Variants in CSPP1 observed in about 807,000 individuals in gnomAD.
CSPP1 encodes centrosome and spindle pole-associated protein 1.
Under a neutral mutation model 164.4 loss-of-function variants are expected in CSPP1, and 126 were observed. The observed-to-expected ratio is 0.77, with a 90% CI of 0.66 to 0.89. The LOEUF is 0.89. Among genes scored for constraint, CSPP1 ranks in the 40% least tolerant of loss-of-function variants. CSPP1 has a pLI of 0.00. For missense variants in CSPP1, 1,395 were observed against 1,449.8 expected, an observed-to-expected ratio of 0.96 and a Z score of 0.61; for synonymous variants, 472 against 476.7, an observed-to-expected ratio of 0.99 and a Z score of 0.13.
chr8:67,093,406 T>C, intron 5 of CSPP1, 137 bp from the exon 6 acceptor site: 1 of 582,206 alleles, frequency 1.7e-6, no homozygotes, highest in Non-Finnish European at 3.0e-6. Context: ...CATCTGTCCT[T>C]GAAATTATTA....
chr8:67,186,355 T>G (rs1218798005), intron 28 of CSPP1, among the ~76,000 whole-genome samples: 1 of 150,858 alleles, frequency 6.6e-6, no homozygotes, highest in Non-Finnish European at 1.5e-5. Flanking sequence ...GTAGTGGTGG[T>G]CAGACATGGA....
intron 3 of CSPP1, chr8:67,083,556 T>A (rs1447635740): frequency 0.014 from 1,912 of 133,130 alleles, 55 homozygotes; most frequent in African/African-American, 0.054. Flanking sequence ...AAAATATATA[T>A]ATATATATAT....
chr8:67,153,912 T>G (rs1826174798), intron 18 of CSPP1, 112 bp from the exon 19 acceptor site: 3 of 592,662 alleles, frequency 5.1e-6, no homozygotes, highest in Non-Finnish European at 6.0e-6. Flanking sequence ...TTTTAATCTT[T>G]GGACTTTTTT....
chr8:67,095,225 G>A (rs1041255834), intron 6 of CSPP1, 68 bp from the exon 7 acceptor site: 1 of 922,822 alleles, frequency 1.1e-6, no homozygotes, highest in African/African-American at 1.7e-5. Flanking sequence ...TAAATTGAGG[G>A]TTTAATTACC....
At position 67,193,509 on chromosome 8, in the gene CSPP1, T is replaced by G. The variant is rs757947174; in HGVS notation, c.3376T>G (p.Ser1126Ala). 1 of 1,613,378 alleles carries G rather than the reference T, an allele frequency of 6.2e-7. No individual in the cohort carries two copies. Among genetic ancestry groups the G allele is most frequent in the East Asian group, 2.2e-5 (1 of 44,896 alleles). Residue 1126 changes from serine to alanine, a missense_variant, in exon 30 of 31, where the codon TCT becomes GCT. Physicochemically the swap from Ser to Ala is moderately conservative, Grantham distance 99. Coordinates refer to ENST00000678616, the MANE Select transcript of CSPP1 (RefSeq NM_001382391.1). ...NVAPDGLSLK[S>A]ISSVNVDELR... is the part of the protein sequence containing the mutation. ...AGCACCAGATGGTCTCTCTCTAAAA[T>G]CTATATCCAGTGTAAATGTTGATGA...
At chr8:67,167,217 C>T (rs1245412986) in intron 24 of CSPP1, among the ~76,000 whole-genome samples, 1 of 152,152 alleles carries the variant, frequency 6.6e-6, no homozygotes, top group African/African-American at 2.4e-5. Flanking sequence ...CATCATGGCC[C>T]GTTCTCAATG....
At chr8:67,191,553 G>A (rs1836254777) in intron 29 of CSPP1, among the ~76,000 whole-genome samples, 1 of 152,158 alleles carries the variant, frequency 6.6e-6, no homozygotes, top group Non-Finnish European at 1.5e-5. Context: ...TTTGTGACTG[G>A]ATTTGTCTTT....
At chr8:67,086,845 AG>A (rs1452590782) in intron 4 of CSPP1, 18 of 1,359,208 alleles carry the variant, frequency 1.3e-5, no homozygotes, top group Non-Finnish European at 1.8e-5. Flanking sequence ...GGGAAAAGAA[AG>A]GTAGGGTTGT....
intron 9 of CSPP1, among the ~76,000 whole-genome samples, chr8:67,107,740 T>G (rs917249118): frequency 9.2e-5 from 14 of 152,162 alleles, no homozygotes; most frequent in African/African-American, 3.1e-4. Flanking sequence ...GGATGTCACT[T>G]GGGACCTTTT....
chr8:67,126,610 A>G (rs1289840300), intron 15 of CSPP1, among the ~76,000 whole-genome samples: 1 of 152,112 alleles, frequency 6.6e-6, no homozygotes, highest in Non-Finnish European at 1.5e-5. Flanking sequence ...TAGCTTTCAC[A>G]TCCCACTTGC....
In CSPP1 at chr8:67,154,270, C is replaced by T. The variant is rs79233473; in HGVS notation, c.2241+134C>T. 13,189 of 565,636 alleles carry T rather than the reference C, an allele frequency of 0.023. 436 individuals are homozygous for T. The highest frequency in any genetic ancestry group is 0.082 in the African/African-American group (4,322 of 52,836). The allele number at this position is 565,636 out of a possible 1,614,324, so 35.0% of individuals were successfully genotyped here. A position where few individuals can be genotyped will look rare whatever the true frequency, so the allele number is the denominator to read the frequency against. On this transcript the variant is annotated intron_variant, in intron 19 of 30. Coordinates refer to ENST00000678616, the MANE Select transcript of CSPP1 (RefSeq NM_001382391.1). ...CTAAAATATCTAATTTATATCAGAT[C>T]AGATATCAGTAGTACAAAAGTTATT...
Position 67,105,950 on chromosome 8 carries a change from T to C in CSPP1, c.1068T>C (p.Cys356=). The C allele has an allele frequency of 1.3e-6, 2 of 1,593,044 alleles. No homozygotes were observed. The highest frequency in any genetic ancestry group is 1.7e-6 in the Non-Finnish European group (2 of 1,161,002). ...CCAAATCTGCTAATCAAGATACCTG[T>C]AGTCCTTTTGCAGGGATGCTCTTTG... The part of the protein sequence containing the change: ...ETSKSANQDT[C]SPFAGMLFGG... Residue 356 remains cysteine, a synonymous_variant, in exon 9 of 31, where the codon TGT becomes TGC. Transcript: ENST00000678616.
rs1807963359 is a variant in CSPP1, at chr8:67,076,573, G to A, written c.191G>A (p.Gly64Asp). Residue 64 changes from glycine to aspartate, a missense_variant, in exon 3 of 31, where the codon GGT (glycine) becomes GAT (aspartate). Gly to Asp is a moderately conservative substitution (Grantham distance 94). Transcript: ENST00000678616. ...CCACCAAATAGTCAACAGACCAGGG[G>A]TTCCTTAGGTATGTCATTAGATGTG... ...NIPPNSQQTRGSLGIDYGLSL... is the reference protein window; with the variant it reads ...NIPPNSQQTRDSLGIDYGLSL... 1.3e-5 allele frequency: 21 copies of A among 1,574,436 alleles called. No homozygotes were observed. Among genetic ancestry groups the A allele is most frequent in the Non-Finnish European group, 1.8e-5 (21 of 1,153,498 alleles).
chr8:67,085,859 A>G (rs1411265426), intron 3 of CSPP1, 148 bp from the exon 4 acceptor site: 12 of 586,836 alleles, frequency 2.0e-5, no homozygotes, highest in East Asian at 5.7e-5. Flanking sequence ...TGTATTATCT[A>G]TTGAGACATT....
intron 17 of CSPP1, among the ~76,000 whole-genome samples, chr8:67,144,376 T>A (rs1431935292): frequency 6.6e-6 from 1 of 152,224 alleles, no homozygotes; most frequent in Non-Finnish European, 1.5e-5. Flanking sequence ...TTTTTATTTC[T>A]TTATAATGTT....
chr8:67,177,295 T>G (rs1158345809), intron 26 of CSPP1, among the ~76,000 whole-genome samples: 5 of 152,150 alleles, frequency 3.3e-5, no homozygotes, highest in Non-Finnish European at 5.9e-5. Context: ...CCTCTGGAAC[T>G]AAGTGCCTGG....
intron 8 of CSPP1, among the ~76,000 whole-genome samples, chr8:67,104,684 C>A (rs113688560): frequency 4.0e-5 from 6 of 151,636 alleles, no homozygotes; most frequent in African/African-American, 1.2e-4. Context: ...GTCACCCAGA[C>A]TGGAGTGCAG....
Position 67,089,267 on chromosome 8 carries a change from A to G in CSPP1, c.304-2536A>G, listed in dbSNP as rs1340152147. On this transcript the variant is annotated intron_variant, in intron 4 of 30. Transcript: ENST00000678616. The stretch of plus-strand genomic sequence containing the variant: ...TGCCCAGAGATGGTTTCCTGTTTTT[A>G]GAATAAAAGATGCTTGACCATCTAA... Among the ~76,000 whole-genome samples the G allele has an allele frequency of 3.3e-5, 5 of 152,206 alleles. No individual in the cohort carries two copies. In the East Asian group the frequency reaches 7.7e-4, roughly 23 times the overall value.
chr8:67,116,571 C>T (rs1817972832), intron 13 of CSPP1, among the ~76,000 whole-genome samples: 2 of 151,964 alleles, frequency 1.3e-5, no homozygotes, highest in South Asian at 4.2e-4. Context: ...TCTGTGATTA[C>T]TTATGGGCTG....
Sources: gnomAD v4.1 joint callset for allele counts (sites outside exome capture counted in the v4.1 genomes callset) on GRCh38, gnomAD v4.1.1 for gene constraint, MANE v1.5 for transcripts, NCBI Gene and HGNC (gene_info 2026-07-23, HGNC 2026-07-21) for gene names.